The following PALM3 variants were observed in gnomAD, a reference collection of about 807,000 sequenced individuals.
PALM3 encodes paralemmin 3, also known as paralemmin-3.
In PALM3, 20 loss-of-function variants were observed where a neutral mutation model predicts 27.9. The observed-to-expected ratio is 0.72, with a 90% confidence interval of 0.50 to 1.04. The LOEUF (loss-of-function observed/expected upper bound fraction) is 1.04, where lower values mean the gene tolerates loss of function less well. Among genes scored for constraint, PALM3 ranks in the 50% least tolerant of loss-of-function variants. The pLI is 0.00. For synonymous variants in PALM3, 328 were observed against 352.7 expected, an observed-to-expected ratio of 0.93 and a Z score of 0.79; for missense variants, 814 against 869.4, an observed-to-expected ratio of 0.94 and a Z score of 0.80.
chr19:14,056,963 C>T (rs1269007226), intron 3 of PALM3, 159 bp from the exon 4 acceptor site: 1 of 744,018 alleles, frequency 1.3e-6, no homozygotes, highest in East Asian at 2.8e-5. Flanking sequence ...TGCCCCCCAA[C>T]GCTGCAAGTG....
chr19:14,061,899 A>C, intron 1 of PALM3, 41 bp downstream of exon 1: 1 of 979,988 alleles, frequency 1.0e-6, no homozygotes, highest in Middle Eastern at 5.3e-4. Flanking sequence ...GCCCCTCCCA[A>C]GGCCCTGCCC....
intron 1 of PALM3, among the ~76,000 whole-genome samples, chr19:14,061,370 C>A (rs1976411562): frequency 1.3e-5 from 2 of 152,172 alleles, no homozygotes; most frequent in East Asian, 3.8e-4. Flanking sequence ...CCTTAAAAAA[C>A]TCTCACCCCT....
rs1238029987 is a variant in PALM3, at chr19:14,056,418, T to TC, written c.399+10dup. The TC allele has an allele frequency of 7.8e-6, 12 of 1,546,270 alleles. No homozygotes were observed. Among genetic ancestry groups the TC allele is most frequent in the African/African-American group, 6.8e-5 (5 of 73,014 alleles). Reference sequence around the variant, plus strand: ...TGCCCTCCCATCCCACTCCCCTGATTCCCCCCTCACCTGTCTGCGCCAGCT... The same window carrying TC: ...TGCCCTCCCATCCCACTCCCCTGATTCCCCCCCTCACCTGTCTGCGCCAGCT... On this transcript the variant is annotated intron_variant, in intron 5 of 6. Coordinates refer to ENST00000669674, the MANE Select transcript of PALM3 (RefSeq NM_001145028.2).
chr19:14,055,257 CA>C, intron 6 of PALM3, 31 bp from the exon 7 acceptor site: 1 of 1,519,644 alleles, frequency 6.6e-7, no homozygotes, highest in Non-Finnish European at 8.8e-7. Context: ...GGGGAGAGGA[CA>C]AAAGGGAAGA....
intron 1 of PALM3, among the ~76,000 whole-genome samples, chr19:14,060,912 C>G (rs534410177): frequency 6.6e-6 from 1 of 152,150 alleles, no homozygotes; most frequent in African/African-American, 2.4e-5. Context: ...AGGCGTGCAC[C>G]ACCAAGCCCG....
Position 14,054,517 on chromosome 19 carries a change from C to T in PALM3, c.1155G>A (p.Glu385=). Residue 385 remains glutamate, a synonymous_variant, in exon 7 of 7, where the codon GAG becomes GAA. Transcript: ENST00000669674. ...CCCCCAGCGGGCTTTCATCTCCTCT[C>T]TCCCTCCCTGCCACCTCGGGCCCTT... ...GLEGPEVAGR[E]RGDESPLGAE... is the part of the protein sequence containing the mutation. 1.3e-6 allele frequency: 2 copies of T among 1,551,310 alleles called. No individual in the cohort carries two copies. The highest frequency in any genetic ancestry group is 2.4e-5 in the East Asian group (1 of 40,908).
Position 14,054,476 on chromosome 19 carries a change from G to A in PALM3, c.1196C>T (p.Thr399Met), listed in dbSNP as rs563170655. Residue 399 changes from threonine to methionine, a missense_variant, in exon 7 of 7, where the codon ACG (threonine) becomes ATG (methionine). Transcript: ENST00000669674. ...ESPLGAEGAK[T>M]GGGEETWEAE... Reference sequence around the variant, plus strand: ...CTCCCAGGTCTCCTCGCCTCCTCCCGTCTTGGCCCCCTCGGCCCCCAGCGG... The same window carrying A: ...CTCCCAGGTCTCCTCGCCTCCTCCCATCTTGGCCCCCTCGGCCCCCAGCGG... 210 of 1,550,984 alleles carry A rather than the reference G, an allele frequency of 1.4e-4. No individual in the cohort carries two copies. Among genetic ancestry groups the A allele is most frequent in the South Asian group, 1.2e-3 (99 of 83,996 alleles).
intron 1 of PALM3, among the ~76,000 whole-genome samples, chr19:14,060,483 G>A (rs991537208): frequency 1.3e-5 from 2 of 152,072 alleles, no homozygotes; most frequent in East Asian, 1.9e-4. Flanking sequence ...CCCGTAACAC[G>A]TGCCAGGTGC....
rs368124562 is a variant in PALM3 at position 14,061,699 on chromosome 19, G to A, written c.41+241C>T. Among the ~76,000 whole-genome samples the A allele has an allele frequency of 2.6e-4, 40 of 152,196 alleles. No homozygotes were observed. In the East Asian group the frequency reaches 6.2e-3, roughly 24 times the overall value. On this transcript the variant is annotated intron_variant, in intron 1 of 6. Transcript: ENST00000669674. Reference sequence around the variant, plus strand: ...GGCTGGACTTTGGGTTCTCAGCCCTGGCAGCGGAAAATCCCCGAAGAGGAA... The same window carrying A: ...GGCTGGACTTTGGGTTCTCAGCCCTAGCAGCGGAAAATCCCCGAAGAGGAA...
intron 2 of PALM3, 22 bp from the exon 3 acceptor site, chr19:14,057,453 C>G (rs777777896): frequency 2.0e-6 from 3 of 1,510,090 alleles, no homozygotes; most frequent in East Asian, 5.3e-5. Flanking sequence ...GGACCCGGAG[C>G]TGCCCGCCGG....
chr19:14,059,130 C>T lies in PALM3; in HGVS notation c.75G>A (p.Arg25=). 2 of 1,437,406 alleles carry T rather than the reference C, an allele frequency of 1.4e-6. No homozygotes were observed. Among genetic ancestry groups the T allele is most frequent in the African/African-American group, 1.5e-5 (1 of 66,302 alleles). The allele number at this position is 1,437,406 out of a possible 1,614,324, so 89.0% of individuals were successfully genotyped here. Residue 25 remains arginine, a synonymous_variant, in exon 2 of 7, where the codon CGG becomes CGA. Transcript: ENST00000669674. ...PMAESSLYRQ[R]LEVIAEKRRL... is the part of the protein sequence containing the mutation. Reference sequence around the variant, plus strand: ...CGTCACTTACAGCGATGACTTCTAGCCGCTGCCGGTAGAGGGAGCTCTCCG... The same window carrying T: ...CGTCACTTACAGCGATGACTTCTAGTCGCTGCCGGTAGAGGGAGCTCTCCG...
chr19:14,057,554 G>A, intron 2 of PALM3, 123 bp from the exon 3 acceptor site: 2 of 788,880 alleles, frequency 2.5e-6, no homozygotes, highest in Non-Finnish European at 3.7e-6. Flanking sequence ...CCGAGGCAGC[G>A]AGCCCGGCGG....
At chr19:14,059,495 G>A (rs978343944) in intron 1 of PALM3, among the ~76,000 whole-genome samples, 1 of 152,076 alleles carries the variant, frequency 6.6e-6, no homozygotes, top group Non-Finnish European at 1.5e-5. Flanking sequence ...TTCATGCAGG[G>A]AAAAGCTTAG....
At chr19:14,056,036 G>A (rs1425700530) in intron 5 of PALM3, among the ~76,000 whole-genome samples, 4 of 152,160 alleles carry the variant, frequency 2.6e-5, no homozygotes, top group African/African-American at 4.8e-5. Context: ...AACCTCCCCA[G>A]TAGCTGGGAC....
intron 2 of PALM3, 107 bp downstream of exon 2, chr19:14,059,008 G>A (rs2145706408): frequency 2.9e-6 from 3 of 1,047,510 alleles, no homozygotes; most frequent in South Asian, 3.9e-5. Context: ...GGGAGCCCTG[G>A]GCGGGGCTGG....
chr19:14,058,281 G>C (rs1202386963), intron 2 of PALM3, among the ~76,000 whole-genome samples: 2 of 150,654 alleles, frequency 1.3e-5, no homozygotes, highest in Non-Finnish European at 3.0e-5. Context: ...ATGGGGTACA[G>C]AAGTGGGGTG....
chr19:14,061,083 A>C (rs1976406279), intron 1 of PALM3, among the ~76,000 whole-genome samples: 2 of 152,196 alleles, frequency 1.3e-5, no homozygotes, highest in Non-Finnish European at 2.9e-5. Context: ...TTTGCAAGAT[A>C]TCCCAAAGGA....
chr19:14,056,224 C>A (rs999237317), intron 5 of PALM3, among the ~76,000 whole-genome samples: 1 of 152,298 alleles, frequency 6.6e-6, no homozygotes, highest in South Asian at 2.1e-4. Flanking sequence ...TGTTGTTATT[C>A]CCATTTTAGA....
Position 14,053,950 on chromosome 19 carries a change from C to T in PALM3, c.1722G>A (p.Gly574=). 1 of 1,551,668 alleles carries T rather than the reference C, an allele frequency of 6.4e-7. No individual in the cohort carries two copies. Among genetic ancestry groups the T allele is most frequent in the South Asian group, 1.2e-5 (1 of 84,060 alleles). Residue 574 remains glycine (G), a synonymous_variant, in exon 7 of 7, where the codon GGG becomes GGA. Coordinates refer to ENST00000669674, the MANE Select transcript of PALM3 (RefSeq NM_001145028.2). Reference sequence around the variant, plus strand: ...TCTCCGTGTTAGCCTCAAGGGGAGGCCCTGCCTCATTCATCTCCTCTGCCT... The same window carrying T: ...TCTCCGTGTTAGCCTCAAGGGGAGGTCCTGCCTCATTCATCTCCTCTGCCT... ...ESQAEEMNEA[G]PPLEANTETR... is the part of the protein sequence containing the mutation.
Sources: gnomAD v4.1 joint callset for allele counts (sites outside exome capture counted in the v4.1 genomes callset) on GRCh38, gnomAD v4.1.1 for gene constraint, MANE v1.5 for transcripts, NCBI Gene and HGNC (gene_info 2026-07-23, HGNC 2026-07-21) for gene names.